Variants in RBFOX1 observed in about 807,000 individuals in gnomAD.
The protein encoded by RBFOX1 is RNA binding fox-1 homolog 1.
In RBFOX1, 8 loss-of-function variants were observed where a neutral mutation model predicts 57.7. The ratio of observed to expected loss-of-function variants is 0.14; its 90% CI spans 0.08 to 0.25. RBFOX1 has a LOEUF of 0.25. Ranked by LOEUF, RBFOX1 falls within the 10% of genes least tolerant of loss-of-function variation. The pLI is 1.00. For missense variants in RBFOX1, 611 were observed against 548.5 expected (o/e 1.11, Z -1.14); for synonymous variants, 326 against 222.4 (o/e 1.47, Z -4.15).
intron 3 of RBFOX1, among the ~76,000 whole-genome samples, chr16:6,715,788 T>A (rs1410089613): frequency 2.6e-5 from 4 of 152,218 alleles, no homozygotes; most frequent in African/African-American, 9.6e-5. Flanking sequence ...TTAAACCCTT[T>A]CAGCTACACA....
chr16:6,774,512 TCTTA>T (rs1400522447), intron 3 of RBFOX1, among the ~76,000 whole-genome samples: 2 of 152,208 alleles, frequency 1.3e-5, no homozygotes, highest in Non-Finnish European at 2.9e-5. Context: ...ATAGTCATTG[TCTTA>T]CTTCTCTATG....
intron 15 of RBFOX1, chr16:7,710,330 A>T (rs79876659): frequency 1.6e-6 from 2 of 1,228,034 alleles, no homozygotes; most frequent in Non-Finnish European, 1.0e-6. Context: ...ATTCTGTTAT[A>T]AAAAAATGAG....
intron 4 of RBFOX1, among the ~76,000 whole-genome samples, chr16:5,966,586 C>G (rs1299068424): frequency 1.3e-5 from 2 of 152,216 alleles, no homozygotes; most frequent in African/African-American, 2.4e-5. Context: ...TCCCAAGTAG[C>G]TGGGATTACA....
intron 2 of RBFOX1, among the ~76,000 whole-genome samples, chr16:6,406,247 C>T (rs183168759): frequency 5.3e-5 from 8 of 152,316 alleles, no homozygotes; most frequent in African/African-American, 1.9e-4. Flanking sequence ...AGGCAATACC[C>T]ATTAATTCTA....
At chr16:5,449,971 A>G (rs2068371851) in intron 1 of RBFOX1, among the ~76,000 whole-genome samples, 1 of 152,170 alleles carries the variant, frequency 6.6e-6, no homozygotes, top group Non-Finnish European at 1.5e-5. Context: ...TTCTACATGC[A>G]TTTAGTGGTG....
chr16:6,868,968 G>A (rs977589950), intron 3 of RBFOX1, among the ~76,000 whole-genome samples: 6 of 152,144 alleles, frequency 3.9e-5, no homozygotes, highest in Admixed American at 3.3e-4. Flanking sequence ...CATGAGGTGA[G>A]AGAAACCGTC....
chr16:7,046,587 A>G (rs1428911340), intron 3 of RBFOX1, among the ~76,000 whole-genome samples: 3 of 140,146 alleles, frequency 2.1e-5, no homozygotes, highest in African/African-American at 7.9e-5. Flanking sequence ...TTGTTTCTGT[A>G]GTCTTTGTGT....
At chr16:7,382,023 G>A (rs1332996592) in intron 4 of RBFOX1, among the ~76,000 whole-genome samples, 2 of 152,220 alleles carry the variant, frequency 1.3e-5, no homozygotes, top group Non-Finnish European at 2.9e-5. Context: ...TAAGTTGTCT[G>A]AAGGATGATC....
At chr16:6,311,406 C>T (rs188194947) in intron 1 of RBFOX1, among the ~76,000 whole-genome samples, 181 of 151,398 alleles carry the variant, frequency 1.2e-3, no homozygotes, top group Middle Eastern at 7.0e-3. Context: ...CTTTGGGGAA[C>T]GCTCATCACA....
At chr16:7,603,255 C>G (rs2095132834) in intron 9 of RBFOX1, among the ~76,000 whole-genome samples, 1 of 152,100 alleles carries the variant, frequency 6.6e-6, no homozygotes, top group African/African-American at 2.4e-5. Flanking sequence ...AAAAATTTGT[C>G]TATTAGGAAA....
At chr16:7,182,090 C>G (rs1269370200) in intron 4 of RBFOX1, among the ~76,000 whole-genome samples, 1 of 152,302 alleles carries the variant, frequency 6.6e-6, no homozygotes, top group African/African-American at 2.4e-5. Context: ...GAAGCTTGTT[C>G]ATGACAGTTC....
chr16:6,221,550 T>C (rs986056249), intron 1 of RBFOX1, among the ~76,000 whole-genome samples: 2 of 152,220 alleles, frequency 1.3e-5, no homozygotes, highest in Non-Finnish European at 2.9e-5. Flanking sequence ...ACATTTCCTA[T>C]CATTTGTTAA....
At chr16:5,501,689 G>A (rs896728609) in intron 2 of RBFOX1, among the ~76,000 whole-genome samples, 1 of 152,132 alleles carries the variant, frequency 6.6e-6, no homozygotes, top group Non-Finnish European at 1.5e-5. Flanking sequence ...TGTGTGGGTA[G>A]TACCCAGTGA....
intron 2 of RBFOX1, among the ~76,000 whole-genome samples, chr16:6,558,978 T>C (rs1227386900): frequency 3.9e-5 from 6 of 152,260 alleles, no homozygotes; most frequent in Admixed American, 6.5e-5. Flanking sequence ...TACTCAAAAA[T>C]GCCGCTTCCT....
chr16:5,892,097 G>A (rs937158037), intron 4 of RBFOX1, among the ~76,000 whole-genome samples: 9 of 152,134 alleles, frequency 5.9e-5, no homozygotes, highest in African/African-American at 1.9e-4. Flanking sequence ...TGTCCTTACG[G>A]CACTTATATT....
intron 2 of RBFOX1, among the ~76,000 whole-genome samples, chr16:6,654,184 G>T (rs913793150): frequency 1.3e-5 from 2 of 152,078 alleles, no homozygotes; most frequent in Non-Finnish European, 2.9e-5. Context: ...ATGGTTGGAA[G>T]GATAAAAAAT....
At chr16:6,322,245 A>C (rs2081894262) in intron 2 of RBFOX1, among the ~76,000 whole-genome samples, 1 of 152,318 alleles carries the variant, frequency 6.6e-6, no homozygotes, top group South Asian at 2.1e-4. Flanking sequence ...CCCAGCCAAC[A>C]GATTGCAGGA....
intron 13 of RBFOX1, among the ~76,000 whole-genome samples, chr16:7,670,145 C>T (rs1467013536): frequency 6.6e-6 from 1 of 152,126 alleles, no homozygotes; most frequent in Non-Finnish European, 1.5e-5. Flanking sequence ...AATTCTCCTG[C>T]CTTAGCCTCC....
chr16:6,471,490 A>G (rs1037579361), intron 2 of RBFOX1, among the ~76,000 whole-genome samples: 1 of 151,968 alleles, frequency 6.6e-6, no homozygotes, highest in African/African-American at 2.4e-5. Flanking sequence ...TGCAATGGGC[A>G]TTCATGTAAG....
Sources: gnomAD v4.1 joint callset for allele counts (sites outside exome capture counted in the v4.1 genomes callset) on GRCh38, gnomAD v4.1.1 for gene constraint, MANE v1.5 for transcripts, NCBI Gene and HGNC (gene_info 2026-07-23, HGNC 2026-07-21) for gene names.